The following HEXA variants were observed in gnomAD, a reference collection of about 807,000 sequenced individuals.
The protein encoded by HEXA is hexosaminidase subunit alpha.
A neutral mutation model predicts 73.3 loss-of-function variants in HEXA; 54 were observed. That is an observed-to-expected ratio of 0.74 (90% CI 0.59 to 0.92). The LOEUF is 0.92. Ranked by LOEUF, HEXA falls within the 40% of genes least tolerant of loss-of-function variation. The probability of loss-of-function intolerance (pLI) is 0.00; values close to 1 mark genes in which losing one functional copy is unlikely to be tolerated. For missense variants in HEXA, 649 were observed against 653.0 expected (o/e 0.99, Z 0.07); for synonymous variants, 230 against 246.9 (o/e 0.93, Z 0.64).
intron 1 of HEXA, among the ~76,000 whole-genome samples, chr15:72,372,263 C>A (rs997640355): frequency 2.6e-5 from 4 of 151,616 alleles, no homozygotes; most frequent in Non-Finnish European, 5.9e-5. Flanking sequence ...GCAGGATAAT[C>A]ACTTGAACCC....
intron 1 of HEXA, among the ~76,000 whole-genome samples, chr15:72,361,682 T>C (rs1462478962): frequency 6.6e-6 from 1 of 152,246 alleles, no homozygotes; most frequent in African/African-American, 2.4e-5. Context: ...ACTGAGTAGA[T>C]CACAAGTTCA....
intron 13 of HEXA, 176 bp downstream of exon 13, chr15:72,345,270 G>T (rs2088594246): frequency 1.6e-6 from 2 of 1,249,180 alleles, no homozygotes; most frequent in Non-Finnish European, 2.2e-6. Flanking sequence ...ATTTTTTGTT[G>T]TATTTTTTTT....
At chr15:72,366,908 C>T (rs1272506364) in intron 1 of HEXA, among the ~76,000 whole-genome samples, 1 of 152,064 alleles carries the variant, frequency 6.6e-6, no homozygotes, top group Non-Finnish European at 1.5e-5. Context: ...TCATGATTCT[C>T]ACTCTACCTC....
chr15:72,346,153 G>A (rs2088609421), intron 12 of HEXA, 82 bp downstream of exon 12: 2 of 949,958 alleles, frequency 2.1e-6, no homozygotes, highest in South Asian at 1.3e-5. Flanking sequence ...CTAGTCCAGA[G>A]GTGGCTAGAT....
intron 2 of HEXA, 100 bp downstream of exon 2, chr15:72,356,425 G>A: frequency 1.6e-6 from 2 of 1,286,492 alleles, no homozygotes; most frequent in Admixed American, 1.9e-5. Context: ...GGTCAAGGGG[G>A]ACTCCAGGCC....
chr15:72,343,856 C>CTT lies in HEXA; in HGVS notation c.*219_*220dup. 6.5e-6 allele frequency: 3 copies of CTT among 462,082 alleles called. No homozygotes were observed. The highest frequency in any genetic ancestry group is 1.2e-5 in the Non-Finnish European group (3 of 252,356). The allele number at this position is 462,082 out of a possible 1,614,324, so 28.6% of individuals were successfully genotyped here. ...TGCCCTTACCCTAACGCCATTCACA[C>CTT]TTTTTTTTTTAAACACAGGTAATCC... On this transcript the variant is annotated 3_prime_UTR_variant, in exon 14 of 14. Transcript: ENST00000268097.
rs767554113 is a variant in HEXA, at chr15:72,345,498, C to G, written c.1474G>C (p.Asp492His). Residue 492 changes from aspartate to histidine, a missense_variant, in exon 13 of 14, where the codon GAC becomes CAC. Physicochemically the swap from Asp to His is moderately conservative, Grantham distance 81. Coordinates refer to ENST00000268097, the MANE Select transcript of HEXA (RefSeq NM_000520.6). The stretch of plus-strand genomic sequence containing the variant: ...AAACGTTCATAGGCAAATGTCAGGT[C>G]AGATGTCAACTTGTTGCTCCACAGC... ...ERLWSNKLTSDLTFAYERLSH... is the reference protein window; with the variant it reads ...ERLWSNKLTSHLTFAYERLSH... The G allele has an allele frequency of 1.4e-5, 22 of 1,614,130 alleles. No individual in the cohort carries two copies. The highest frequency in any genetic ancestry group is 1.7e-5 in the Non-Finnish European group (20 of 1,180,054).
intron 1 of HEXA, chr15:72,360,268 T>A (rs1313633686): frequency 1.3e-5 from 2 of 152,972 alleles, no homozygotes; most frequent in African/African-American, 4.8e-5. Flanking sequence ...AAAATAATGG[T>A]CTCCATCTTG....
At chr15:72,358,740 T>A (rs986900567) in intron 1 of HEXA, 8 of 152,114 alleles carry the variant, frequency 5.3e-5, no homozygotes, top group African/African-American at 1.9e-4. Context: ...ATGGCTGCTG[T>A]TTAAACAAAT....
At position 72,348,130 on chromosome 15, in the gene HEXA, AC is replaced by A; in HGVS notation, c.990del (p.Lys330AsnfsTer10). 6.2e-7 allele frequency: 1 copy of A among 1,609,216 alleles called. No homozygotes were observed. The highest frequency in any genetic ancestry group is 8.5e-7 in the Non-Finnish European group (1 of 1,175,524). ...ATAAAGTCCTGGATCTCTGGGTTGGACTTCCTGAATCCCAAGAGAAAATGAA... is the reference window on the plus strand; with the variant it reads ...ATAAAGTCCTGGATCTCTGGGTTGGATTCCTGAATCCCAAGAGAAAATGAA... ...GGDEVDFTCWKSNPEIQDFMR... is the reference protein window; with the variant it reads ...GGDEVDFTCWXSNPEIQDFMR... On this transcript the variant is annotated frameshift_variant, in exon 9 of 14. Coordinates refer to ENST00000268097, the MANE Select transcript of HEXA (RefSeq NM_000520.6). LOFTEE classifies it high-confidence loss of function.
In HEXA at chr15:72,375,966, T is replaced by G. The variant is rs1277583383; in HGVS notation, c.7A>C (p.Ser3Arg). 1.9e-6 allele frequency: 3 copies of G among 1,613,470 alleles called. No homozygotes were observed. The African/African-American group carries it at 4.0e-5, about 22-fold the overall frequency. Residue 3 changes from serine to arginine, a missense_variant, in exon 1 of 14, where the codon AGC (serine) becomes CGC (arginine). Ser to Arg is a moderately radical substitution (Grantham distance 110). Transcript: ENST00000268097. ...AGCAGCGAAAACCAAAGCCTGGAGC[T>G]TGTCATGGCCCGCTGGTCTCCCCTC... MTSSRLWFSLLLA... is the reference protein window; with the variant it reads MTRSRLWFSLLLA...
intron 1 of HEXA, chr15:72,358,564 T>C (rs577645172): frequency 1.5e-4 from 23 of 152,328 alleles, no homozygotes; most frequent in African/African-American, 5.3e-4. Context: ...ATCTGCTGAA[T>C]AGGAAAACAC....
rs766988109 is a variant in HEXA, at chr15:72,346,619, C to G, written c.1238G>C (p.Arg413Pro). 6 of 1,614,022 alleles carry G rather than the reference C, an allele frequency of 3.7e-6. 1 individual carries two copies. In the Admixed American group the frequency reaches 1.0e-4, roughly 27 times the overall value. Residue 413 changes from arginine (R) to proline (P), a missense_variant, in exon 11 of 14, where the codon CGG (arginine) becomes CCG (proline). Transcript: ENST00000268097. ...ELELVTKAGF[R>P]ALLSAPWYLN... The stretch of plus-strand genomic sequence containing the variant: ...GTACCAGGGGGCAGAGAGAAGGGCC[C>G]GGAAGCCGGCCTTGGTGACCAGTTC...
chr15:72,348,956 A>G (rs2088658447), intron 8 of HEXA, 123 bp downstream of exon 8: 3 of 817,930 alleles, frequency 3.7e-6, no homozygotes, highest in Non-Finnish European at 6.4e-6. Flanking sequence ...CTAAGACCTG[A>G]GCAATGTGAG....
intron 6 of HEXA, chr15:72,350,904 A>T: frequency 1.6e-6 from 1 of 622,894 alleles, no homozygotes; most frequent in East Asian, 2.7e-5. Context: ...ATATAAATAC[A>T]TAAAAAGGGA....
intron 5 of HEXA, chr15:72,351,755 G>C (rs1208199900): frequency 5.5e-6 from 1 of 180,974 alleles, no homozygotes; most frequent in African/African-American, 2.4e-5. Context: ...ATTGGGAACT[G>C]TCAGATAAGA....
intron 5 of HEXA, 114 bp downstream of exon 5, chr15:72,352,954 A>G: frequency 1.4e-6 from 1 of 728,078 alleles, no homozygotes; most frequent in Non-Finnish European, 2.5e-6. Flanking sequence ...ATGAGCCACC[A>G]CACCCAGTCC....
In HEXA at chr15:72,373,758, G is replaced by C. The variant is rs578139104; in HGVS notation, c.253+1962C>G. Among the ~76,000 whole-genome samples, 5 of 152,210 alleles carry C rather than the reference G, an allele frequency of 3.3e-5. No individual in the cohort carries two copies. The South Asian group carries it at 1.0e-3, about 32-fold the overall frequency. On this transcript the variant is annotated intron_variant, in intron 1 of 13. Coordinates refer to ENST00000268097, the MANE Select transcript of HEXA (RefSeq NM_000520.6). ...TCATGCCTGTAATCTCAGCACTTTG[G>C]GAGGCTGAGGTGGGTGGATCACTTG...
At chr15:72,348,218 A>C in intron 8 of HEXA, 84 bp from the exon 9 acceptor site, 2 of 902,006 alleles carry the variant, frequency 2.2e-6, no homozygotes, top group East Asian at 2.4e-5. Flanking sequence ...GCCCCCTATA[A>C]CTTCCTCTTT....
Sources: gnomAD v4.1 joint callset for allele counts (sites outside exome capture counted in the v4.1 genomes callset) on GRCh38, gnomAD v4.1.1 for gene constraint, MANE v1.5 for transcripts, NCBI Gene and HGNC (gene_info 2026-07-23, HGNC 2026-07-21) for gene names.